ATXN1: variants seen among roughly 807,000 people sequenced by gnomAD.
The protein encoded by ATXN1 is ataxin-1.
A neutral mutation model predicts 56.4 loss-of-function variants in ATXN1; 8 were observed. The ratio of observed to expected loss-of-function variants is 0.14; its 90% CI spans 0.08 to 0.26. The LOEUF (loss-of-function observed/expected upper bound fraction) is 0.26. ATXN1 is among the 10% of genes least tolerant of loss of function. The probability of loss-of-function intolerance (pLI) is 1.00; values close to 1 mark genes in which losing one functional copy is unlikely to be tolerated. For synonymous variants in ATXN1, 514 were observed against 494.6 expected (o/e 1.04, Z -0.52); for missense variants, 987 against 1,106.5 (o/e 0.89, Z 1.53).
At chr6:16,592,356 A>G (rs1757688) in intron 3 of ATXN1, among the ~76,000 whole-genome samples, 151,436 of 152,270 alleles carry the variant, frequency 0.99, 75,305 homozygotes, top group East Asian at 1. Context: ...GAACCTTTGA[A>G]AAGGTGAGGG....
At chr6:16,586,075 T>A (rs989805640) in intron 3 of ATXN1, among the ~76,000 whole-genome samples, 168 bp from the exon 4 acceptor site, 6 of 141,290 alleles carry the variant, frequency 4.2e-5, no homozygotes, top group African/African-American at 8.5e-5. Context: ...ACAAGGTTTT[T>A]AAATCAGAAT....
intron 6 of ATXN1, among the ~76,000 whole-genome samples, chr6:16,368,163 C>G (rs1407626545): frequency 6.7e-6 from 1 of 150,114 alleles, no homozygotes; most frequent in Non-Finnish European, 1.5e-5. Flanking sequence ...GAGCAAGAAT[C>G]TGTCTCAAAA....
chr6:16,757,681 A>C (rs1226923820), intron 1 of ATXN1, among the ~76,000 whole-genome samples: 1 of 152,220 alleles, frequency 6.6e-6, no homozygotes, highest in Non-Finnish European at 1.5e-5. Flanking sequence ...TTGTAAACTG[A>C]CTGGCAGTCA....
chr6:16,575,637 C>A (rs1402537611), intron 4 of ATXN1, among the ~76,000 whole-genome samples: 6 of 152,178 alleles, frequency 3.9e-5, no homozygotes, highest in Non-Finnish European at 8.8e-5. Flanking sequence ...GACAGGTTAT[C>A]TTGAGGGCCT....
At chr6:16,396,182 A>C (rs535235243) in intron 6 of ATXN1, among the ~76,000 whole-genome samples, 26 of 152,268 alleles carry the variant, frequency 1.7e-4, no homozygotes, top group African/African-American at 6.0e-4. Context: ...GGTAGAAGAC[A>C]GTGATACTGA....
intron 5 of ATXN1, among the ~76,000 whole-genome samples, chr6:16,489,913 G>T (rs370470169): frequency 5.9e-5 from 9 of 152,140 alleles, no homozygotes; most frequent in African/African-American, 2.2e-4. Context: ...CAGTAGGCTT[G>T]GGGTGGGGTC....
chr6:16,620,302 G>C (rs917735254), intron 3 of ATXN1, among the ~76,000 whole-genome samples: 3 of 131,224 alleles, frequency 2.3e-5, no homozygotes, highest in South Asian at 2.5e-4. Flanking sequence ...CACACACACA[G>C]AATATGTGAA....
At chr6:16,579,233 G>A (rs564508590) in intron 4 of ATXN1, among the ~76,000 whole-genome samples, 26 of 152,180 alleles carry the variant, frequency 1.7e-4, no homozygotes, top group African/African-American at 6.3e-4. Context: ...GAGGTCATTA[G>A]CTCCACCTGA....
intron 6 of ATXN1, among the ~76,000 whole-genome samples, chr6:16,375,950 T>C (rs552017584): frequency 6.6e-6 from 1 of 152,358 alleles, no homozygotes; most frequent in Admixed American, 6.5e-5. Context: ...TGGGCTTTAC[T>C]TTAGAAAGTT....
chr6:16,704,469 A>G (rs1444470858), intron 2 of ATXN1, among the ~76,000 whole-genome samples: 1 of 152,194 alleles, frequency 6.6e-6, no homozygotes, highest in Non-Finnish European at 1.5e-5. Context: ...GACTGCCATA[A>G]TTTGAGGTGT....
chr6:16,371,941 T>C (rs1762049820), intron 6 of ATXN1, among the ~76,000 whole-genome samples: 1 of 152,166 alleles, frequency 6.6e-6, no homozygotes, highest in Non-Finnish European at 1.5e-5. Flanking sequence ...ACTTTACATA[T>C]TTCTTTGACT....
intron 3 of ATXN1, among the ~76,000 whole-genome samples, chr6:16,637,264 C>T (rs1406538788): frequency 1.3e-5 from 2 of 149,258 alleles, no homozygotes; most frequent in Non-Finnish European, 3.0e-5. Flanking sequence ...CCAAACACCG[C>T]ATGTTCTCAC....
At chr6:16,651,753 A>C (rs1274344697) in intron 3 of ATXN1, among the ~76,000 whole-genome samples, 1 of 152,218 alleles carries the variant, frequency 6.6e-6, no homozygotes, top group East Asian at 1.9e-4. Flanking sequence ...ATTGAGCTTA[A>C]ACTCTGAAGA....
At chr6:16,321,901 AC>A (rs1185363369) in intron 7 of ATXN1, among the ~76,000 whole-genome samples, 3 of 152,050 alleles carry the variant, frequency 2.0e-5, no homozygotes, top group Non-Finnish European at 4.4e-5. Context: ...AAAAAACGGA[AC>A]CCTCTCAAGA....
intron 5 of ATXN1, among the ~76,000 whole-genome samples, chr6:16,499,053 T>G (rs1218746990): frequency 6.6e-6 from 1 of 152,208 alleles, no homozygotes; most frequent in African/African-American, 2.4e-5. Flanking sequence ...GCTTTTGGTG[T>G]CACATCTAAG....
chr6:16,731,012 G>A (rs376304173), intron 2 of ATXN1, among the ~76,000 whole-genome samples: 1 of 152,070 alleles, frequency 6.6e-6, no homozygotes, highest in Non-Finnish European at 1.5e-5. Flanking sequence ...TGTCATTAAC[G>A]TTGCACAATT....
chr6:16,366,704 C>G (rs569060347), intron 6 of ATXN1, among the ~76,000 whole-genome samples: 56 of 150,270 alleles, frequency 3.7e-4, no homozygotes, highest in African/African-American at 1.2e-3. Context: ...TCACTTGAAC[C>G]CGGGAGGTGG....
At chr6:16,730,723 G>A (rs983550171) in intron 2 of ATXN1, among the ~76,000 whole-genome samples, 11 of 151,820 alleles carry the variant, frequency 7.2e-5, no homozygotes, top group South Asian at 4.2e-4. Context: ...TTCTCCTTTC[G>A]TTGTGAACTT....
intron 6 of ATXN1, among the ~76,000 whole-genome samples, chr6:16,443,181 CTAAA>C (rs571292304): frequency 1.1e-5 from 1 of 89,996 alleles, no homozygotes; most frequent in Admixed American, 1.6e-4. Context: ...GACCCTGTCT[CTAAA>C]TAAATAAATA....
Sources: gnomAD v4.1 joint callset for allele counts (sites outside exome capture counted in the v4.1 genomes callset) on GRCh38, gnomAD v4.1.1 for gene constraint, MANE v1.5 for transcripts, NCBI Gene and HGNC (gene_info 2026-07-23, HGNC 2026-07-21) for gene names.